NDUFA5: variants seen among roughly 807,000 people sequenced by gnomAD.
NDUFA5 encodes NADH dehydrogenase [ubiquinone] 1 alpha subcomplex subunit 5.
Under a neutral mutation model 19.8 loss-of-function variants are expected in NDUFA5, and 11 were observed. That is an observed-to-expected ratio of 0.56 (90% CI 0.35 to 0.92). NDUFA5 has a LOEUF of 0.92. Ranked by LOEUF, NDUFA5 falls within the 40% of genes least tolerant of loss-of-function variation. The pLI is 0.01. For missense variants in NDUFA5, 109 were observed against 134.2 expected (o/e 0.81, Z 0.93); for synonymous variants, 47 against 46.8 (o/e 1.00, Z -0.01).
intron 4 of NDUFA5, among the ~76,000 whole-genome samples, chr7:123,544,403 C>G (rs544310823): frequency 6.7e-6 from 1 of 149,258 alleles, no homozygotes; most frequent in Non-Finnish European, 1.5e-5. Flanking sequence ...GAGGCTGAGG[C>G]AGGAGAATTG....
chr7:123,582,416 G>A, the NDUFA5 span, among the ~76,000 whole-genome samples: 463 of 151,978 alleles, frequency 3.0e-3, 3 homozygotes, highest in African/African-American at 0.01. Context: ...CATTGCCACC[G>A]TCCTGGAGGA....
the NDUFA5 span, among the ~76,000 whole-genome samples, chr7:123,585,214 C>A: frequency 6.6e-6 from 1 of 151,520 alleles, no homozygotes; most frequent in Non-Finnish European, 1.5e-5. Context: ...GTACCAATCC[C>A]CCTCTTAGAA....
the NDUFA5 span, among the ~76,000 whole-genome samples, chr7:123,589,379 G>A: frequency 6.6e-6 from 1 of 151,044 alleles, no homozygotes; most frequent in African/African-American, 2.4e-5. Context: ...GTGGAGGTTT[G>A]TTACATAGGT....
chr7:123,591,898 G>A, the NDUFA5 span, among the ~76,000 whole-genome samples: 1 of 152,128 alleles, frequency 6.6e-6, no homozygotes, highest in Non-Finnish European at 1.5e-5. Context: ...TTGTACCTCT[G>A]GTAGAATTTG....
the NDUFA5 span, among the ~76,000 whole-genome samples, chr7:123,579,262 G>A: frequency 6.6e-6 from 1 of 151,824 alleles, no homozygotes; most frequent in Non-Finnish European, 1.5e-5. Context: ...AGTATTTCAT[G>A]GTGTAGATAT....
At chr7:123,557,142 G>A (rs907432097) in intron 2 of NDUFA5, 6 of 666,134 alleles carry the variant, frequency 9.0e-6, no homozygotes, top group Admixed American at 4.1e-5. Flanking sequence ...GCTGACAGAA[G>A]CAAGCACAAG....
the NDUFA5 span, among the ~76,000 whole-genome samples, chr7:123,581,627 G>T: frequency 1.3e-5 from 2 of 151,850 alleles, no homozygotes; most frequent in Non-Finnish European, 2.9e-5. Context: ...ATTGTGAGGA[G>T]AATTTGCTAC....
At chr7:123,599,097 A>T in the NDUFA5 span, among the ~76,000 whole-genome samples, 1 of 152,330 alleles carries the variant, frequency 6.6e-6, no homozygotes, top group Non-Finnish European at 1.5e-5. Flanking sequence ...CACTGACCCC[A>T]AGGCCAAAAT....
chr7:123,540,661 C>G lies in NDUFA5; in HGVS notation c.*1458G>C, dbSNP rs1797895631. ...CAGGCCAAACTTGCCTCAATGTAGT[C>G]ATTGAGTTAACAACACTAGAACCAT... On this transcript the variant is annotated 3_prime_UTR_variant, in exon 5 of 5. Coordinates refer to ENST00000355749, the MANE Select transcript of NDUFA5 (RefSeq NM_005000.5). 1 of 151,996 alleles carries G rather than the reference C, an allele frequency of 6.6e-6. No homozygotes were observed. The highest frequency in any genetic ancestry group is 2.4e-5 in the African/African-American group (1 of 41,376). The allele number at this position is 151,996 out of a possible 1,614,324, so 9.4% of individuals were successfully genotyped here.
chr7:123,574,723 G>A, the NDUFA5 span, among the ~76,000 whole-genome samples: 2 of 151,672 alleles, frequency 1.3e-5, no homozygotes, highest in East Asian at 1.9e-4. Context: ...TTAACCCACT[G>A]TACTTTGTTC....
chr7:123,562,160 A>T (rs1013983171), upstream of NDUFA5, among the ~76,000 whole-genome samples: 1 of 152,138 alleles, frequency 6.6e-6, no homozygotes, highest in African/African-American at 2.4e-5. Context: ...GTGACCAGGT[A>T]CATTTTCAAT....
chr7:123,579,743 A>G, the NDUFA5 span, among the ~76,000 whole-genome samples: 3 of 152,074 alleles, frequency 2.0e-5, no homozygotes, highest in Non-Finnish European at 4.4e-5. Flanking sequence ...AAACAAATCT[A>G]TTATGCTATA....
chr7:123,551,466 C>T (rs1158138527), intron 2 of NDUFA5: 1 of 771,496 alleles, frequency 1.3e-6, no homozygotes, highest in Non-Finnish European at 1.6e-6. Flanking sequence ...ACCTCAGCCT[C>T]CCAAAGTGCT....
chr7:123,587,265 C>A, the NDUFA5 span, among the ~76,000 whole-genome samples: 2 of 151,526 alleles, frequency 1.3e-5, no homozygotes, highest in African/African-American at 4.8e-5. Context: ...CCTTTCACCT[C>A]CTTGGTTAAA....
At chr7:123,582,947 T>C in the NDUFA5 span, among the ~76,000 whole-genome samples, 1 of 152,200 alleles carries the variant, frequency 6.6e-6, no homozygotes, top group South Asian at 2.1e-4. Context: ...GAAACTAGTG[T>C]AAATCTTGTT....
chr7:123,546,829 C>T (rs1357884469), intron 3 of NDUFA5: 1 of 557,246 alleles, frequency 1.8e-6, no homozygotes, highest in Non-Finnish European at 3.1e-6. Flanking sequence ...TGAAAAATAC[C>T]ACAAAAGATA....
the NDUFA5 span, among the ~76,000 whole-genome samples, chr7:123,595,166 C>T: frequency 6.6e-6 from 1 of 152,194 alleles, no homozygotes; most frequent in South Asian, 2.1e-4. Context: ...CCCTAAATGA[C>T]ACTGATCACT....
chr7:123,590,313 C>G, the NDUFA5 span, among the ~76,000 whole-genome samples: 11 of 152,158 alleles, frequency 7.2e-5, no homozygotes, highest in Non-Finnish European at 1.2e-4. Flanking sequence ...TGTGCAGAAG[C>G]TCTTTAGTTT....
intron 3 of NDUFA5, among the ~76,000 whole-genome samples, chr7:123,547,227 A>G (rs540498379): frequency 3.9e-5 from 6 of 152,148 alleles, no homozygotes; most frequent in Non-Finnish European, 8.8e-5. Flanking sequence ...AAATAAACTT[A>G]CATTGTTTTA....
Sources: allele counts gnomAD v4.1 joint callset (sites outside exome capture counted in the v4.1 genomes callset), GRCh38; gene constraint gnomAD v4.1.1; transcripts MANE v1.5; gene names NCBI Gene and HGNC (gene_info 2026-07-23, HGNC 2026-07-21).